Variants in CD96 observed in about 807,000 individuals in gnomAD.
CD96 encodes the protein T-cell surface protein tactile.
Under a neutral mutation model 71.3 loss-of-function variants are expected in CD96, and 70 were observed. The ratio of observed to expected loss-of-function variants is 0.98; its 90% CI spans 0.81 to 1.20. The LOEUF is 1.20. Ranked by LOEUF, CD96 falls within the 50% of genes most tolerant of loss-of-function variation. The pLI is 0.00. For synonymous variants in CD96, 248 were observed against 233.0 expected, an observed-to-expected ratio of 1.06 and a Z score of -0.59; for missense variants, 742 against 677.5, an observed-to-expected ratio of 1.10 and a Z score of -1.06.
At chr3:111,570,971 C>T (rs1056242444) in intron 3 of CD96, 28 of 1,536,684 alleles carry the variant, frequency 1.8e-5, no homozygotes, top group Non-Finnish European at 2.3e-5. Context: ...CTGAGGCCAC[C>T]AGAGTGAAAA....
At position 111,579,569 on chromosome 3, in the gene CD96, C is replaced by T. The variant is rs560683393; in HGVS notation, c.751+335C>T. 211 of 345,672 alleles carry T rather than the reference C, an allele frequency of 6.1e-4. 2 individuals are homozygous for T. The highest frequency in any genetic ancestry group is 5.1e-3 in the South Asian group (204 of 40,114). The allele number at this position is 345,672 out of a possible 1,614,324, so 21.4% of individuals were successfully genotyped here. A position where few individuals can be genotyped will look rare whatever the true frequency, so the allele number is the denominator to read the frequency against. On this transcript the variant is annotated intron_variant, in intron 4 of 13. Coordinates refer to ENST00000352690, the MANE Select transcript of CD96 (RefSeq NM_005816.5). ...CAGTTATGGAGGCTAAGTCCAAGGT[C>T]GAGGGGACGCATCTGGTAAGAGCCT...
At chr3:111,607,326 G>C (rs1937666457) in intron 8 of CD96, among the ~76,000 whole-genome samples, 1 of 152,112 alleles carries the variant, frequency 6.6e-6, no homozygotes, top group African/African-American at 2.4e-5. Context: ...AATTTGTTCT[G>C]GTTCAAATTA....
downstream of CD96, among the ~76,000 whole-genome samples, chr3:111,653,270 A>G (rs1257443548): frequency 2.0e-5 from 3 of 151,972 alleles, no homozygotes; most frequent in African/African-American, 7.3e-5. Flanking sequence ...GATCAGCAAA[A>G]CTCACAGCCT....
At chr3:111,585,450 G>A (rs1373653855) in intron 5 of CD96, 72 bp downstream of exon 5, 1 of 979,326 alleles carries the variant, frequency 1.0e-6, no homozygotes, top group Non-Finnish European at 1.7e-6. Context: ...TAGTTGCCAG[G>A]AATGTTCTCT....
intron 10 of CD96, among the ~76,000 whole-genome samples, chr3:111,633,429 T>A (rs1330478858): frequency 6.6e-6 from 1 of 152,136 alleles, no homozygotes; most frequent in Non-Finnish European, 1.5e-5. Context: ...AAGACATGAA[T>A]TGAGCACATG....
intron 2 of CD96, among the ~76,000 whole-genome samples, chr3:111,561,865 C>T (rs62273558): frequency 0.12 from 17,348 of 146,686 alleles, 1,016 homozygotes; most frequent in Non-Finnish European, 0.13. Context: ...AGCGAGATTC[C>T]GTGGGCGTAG....
chr3:111,647,908 A>G (rs979988983), intron 13 of CD96, among the ~76,000 whole-genome samples: 1 of 152,134 alleles, frequency 6.6e-6, no homozygotes, highest in Admixed American at 6.6e-5. Flanking sequence ...CGTCAGATAG[A>G]GCAAGTCCGT....
chr3:111,612,889 AT>A, intron 8 of CD96: 1 of 900,616 alleles, frequency 1.1e-6, no homozygotes, highest in Non-Finnish European at 1.3e-6. Flanking sequence ...TTGGAAATAA[AT>A]TAGAGAAACC....
chr3:111,626,324 A>G (rs1025534566), intron 10 of CD96, among the ~76,000 whole-genome samples: 1 of 151,596 alleles, frequency 6.6e-6, no homozygotes, highest in African/African-American at 2.4e-5. Context: ...AAAAAAAAAA[A>G]AAAAGAAATG....
At chr3:111,606,329 GA>G (rs769413697) in intron 7 of CD96, among the ~76,000 whole-genome samples, 33 of 152,100 alleles carry the variant, frequency 2.2e-4, no homozygotes, top group Non-Finnish European at 4.1e-4. Context: ...TCAAACACTT[GA>G]AAATATTAAA....
At chr3:111,620,578 G>A (rs1395189533) in intron 8 of CD96, among the ~76,000 whole-genome samples, 1 of 152,176 alleles carries the variant, frequency 6.6e-6, no homozygotes, top group Non-Finnish European at 1.5e-5. Flanking sequence ...TGTCAAGTTG[G>A]TTCAGACCCT....
intron 8 of CD96, among the ~76,000 whole-genome samples, chr3:111,614,291 G>A (rs150747382): frequency 1.8e-4 from 27 of 152,264 alleles, no homozygotes; most frequent in South Asian, 6.2e-4. Flanking sequence ...CCTCTCCTCC[G>A]CTCCTAGCTG....
intron 12 of CD96, among the ~76,000 whole-genome samples, chr3:111,640,389 T>C (rs970225786): frequency 3.3e-5 from 5 of 152,008 alleles, no homozygotes; most frequent in African/African-American, 9.7e-5. Context: ...AAGAAAGAAA[T>C]TCAGAGCTCA....
At chr3:111,595,448 T>C (rs924559929) in intron 5 of CD96, 1 of 152,190 alleles carries the variant, frequency 6.6e-6, no homozygotes, top group Admixed American at 6.5e-5. Flanking sequence ...GGAAGCATTG[T>C]TTCCAGGTAG....
Position 111,592,202 on chromosome 3 carries a change from C to T in CD96, c.808-5918C>T, listed in dbSNP as rs970513982. On this transcript the variant is annotated intron_variant, in intron 5 of 13. Coordinates refer to ENST00000352690, the MANE Select transcript of CD96 (RefSeq NM_005816.5). ...ACAAATATCAGGTCCAGTGCAGAGGCCAGAGTACTTTCCAGTTTGATTTTA... is the reference window on the plus strand; with the variant it reads ...ACAAATATCAGGTCCAGTGCAGAGGTCAGAGTACTTTCCAGTTTGATTTTA... Among the ~76,000 whole-genome samples, 9 of 152,254 alleles carry T rather than the reference C, an allele frequency of 5.9e-5. No individual in the cohort carries two copies. In the East Asian group the frequency reaches 1.2e-3, roughly 20 times the overall value.
chr3:111,577,179 G>T (rs573170952), intron 3 of CD96, among the ~76,000 whole-genome samples: 75 of 152,306 alleles, frequency 4.9e-4, no homozygotes, highest in African/African-American at 1.7e-3. Flanking sequence ...TCCAACTTCA[G>T]CATGTAACTG....
Position 111,624,733 on chromosome 3 carries a change from TGAGCAATGCTATA to T in CD96, c.1321+330_1321+342del, listed in dbSNP as rs150345725. 7.9e-3 allele frequency among the ~76,000 whole-genome samples: 1,206 copies of T among 152,334 alleles called. 18 individuals carry two copies. The highest frequency in any genetic ancestry group is 0.027 in the African/African-American group (1,119 of 41,564). On this transcript the variant is annotated intron_variant, in intron 10 of 13. Coordinates refer to ENST00000352690, the MANE Select transcript of CD96 (RefSeq NM_005816.5). Reference sequence around the variant, plus strand: ...AGGTCTTACTGAGGAAGGTGACATCTGAGCAATGCTATAACCAGTCAACCCGAAAGAGCAAGCT... The same window carrying T: ...AGGTCTTACTGAGGAAGGTGACATCTACCAGTCAACCCGAAAGAGCAAGCT...
intron 3 of CD96, among the ~76,000 whole-genome samples, chr3:111,572,451 G>T (rs957614064): frequency 1.1e-4 from 16 of 152,298 alleles, no homozygotes; most frequent in South Asian, 4.1e-4. Context: ...TATCATAATT[G>T]TTACATGTCT....
At chr3:111,607,033 C>A in intron 8 of CD96, 1 of 553,182 alleles carries the variant, frequency 1.8e-6, no homozygotes, top group Non-Finnish European at 3.2e-6. Flanking sequence ...ATGACTACAG[C>A]CAATTTCAGA....
Sources: allele counts gnomAD v4.1 joint callset (sites outside exome capture counted in the v4.1 genomes callset), GRCh38; gene constraint gnomAD v4.1.1; transcripts MANE v1.5; gene names NCBI Gene and HGNC (gene_info 2026-07-23, HGNC 2026-07-21).